MYO18A: variants seen among roughly 807,000 people sequenced by gnomAD.
The protein encoded by MYO18A is myosin XVIIIA, also known as unconventional myosin-XVIIIa.
A neutral mutation model predicts 235.8 loss-of-function variants in MYO18A; 78 were observed. The observed-to-expected ratio is 0.33, with a 90% CI of 0.28 to 0.40. The LOEUF (loss-of-function observed/expected upper bound fraction) is 0.40. Among genes scored for constraint, MYO18A ranks in the 10% least tolerant of loss-of-function variants. The pLI, the probability that MYO18A is intolerant of heterozygous loss-of-function variation, is 1.00. For synonymous variants in MYO18A, 977 were observed against 1,077.8 expected, an observed-to-expected ratio of 0.91 and a Z score of 1.83; for missense variants, 2,215 against 2,699.3, an observed-to-expected ratio of 0.82 and a Z score of 3.98.
chr17:29,148,666 G>C (rs1156488291), intron 2 of MYO18A, among the ~76,000 whole-genome samples: 1 of 152,076 alleles, frequency 6.6e-6, no homozygotes, highest in Non-Finnish European at 1.5e-5. Flanking sequence ...AGGAGACAGC[G>C]ATTGGTATTG....
At position 29,109,762 on chromosome 17, in the gene MYO18A, C is replaced by T. The variant is rs1452632911; in HGVS notation, c.3331+96G>A. The T allele has an allele frequency of 1.4e-6, 2 of 1,428,036 alleles. No homozygotes were observed. Among genetic ancestry groups the T allele is most frequent in the Non-Finnish European group, 1.9e-6 (2 of 1,051,802 alleles). The allele number at this position is 1,428,036 out of a possible 1,614,324, so 88.5% of individuals were successfully genotyped here. A position where few individuals can be genotyped will look rare whatever the true frequency, so the allele number is the denominator to read the frequency against. The stretch of plus-strand genomic sequence containing the variant: ...GGATCGTGAGGAAAGACAGGAGCAG[C>T]CCCACTGCAGCCCACGGGTCGCAGG... On this transcript the variant is annotated intron_variant, in intron 19 of 41. Transcript: ENST00000527372. The surrounding 1 kb of genome is among the most constrained non-coding windows in gnomAD (Gnocchi z 4.1).
At chr17:29,173,281 G>T (rs1255991966) in intron 1 of MYO18A, among the ~76,000 whole-genome samples, 1 of 150,946 alleles carries the variant, frequency 6.6e-6, no homozygotes, top group East Asian at 1.9e-4. Flanking sequence ...TAGTAGAGAC[G>T]GGGTTTCTCC....
At chr17:29,075,180 T>C (rs879296542) in intron 41 of MYO18A, 11 of 388,010 alleles carry the variant, frequency 2.8e-5, no homozygotes, top group Admixed American at 7.4e-5. Flanking sequence ...TGATGCAGGT[T>C]CCTGGGCCCT....
rs374397148 is a variant in MYO18A at position 29,121,538 on chromosome 17, G to A, written c.1371+9C>T. Reference sequence around the variant, plus strand: ...AGGAGTCTGCAGGGTAGCCTTGAGGGTGCTGCACCTTCTCAGAGTACACAG... The same window carrying A: ...AGGAGTCTGCAGGGTAGCCTTGAGGATGCTGCACCTTCTCAGAGTACACAG... On this transcript the variant is annotated intron_variant, in intron 5 of 41. Coordinates refer to ENST00000527372, the MANE Select transcript of MYO18A (RefSeq NM_078471.4). This position sits in a 1 kb window ranked among gnomAD's most constrained non-coding sequence, Gnocchi z 4.2. 1.3e-5 allele frequency: 20 copies of A among 1,596,286 alleles called. No individual in the cohort carries two copies. In the Middle Eastern group the frequency reaches 1.0e-3, roughly 81 times the overall value.
At chr17:29,142,606 T>C (rs1345107789) in intron 2 of MYO18A, among the ~76,000 whole-genome samples, 1 of 152,180 alleles carries the variant, frequency 6.6e-6, no homozygotes, top group Non-Finnish European at 1.5e-5. Context: ...ACTCTGGATA[T>C]GGGGTGCAGC....
At position 29,109,898 on chromosome 17, in the gene MYO18A, G is replaced by T. The variant is rs997767094; in HGVS notation, c.3291C>A (p.Arg1097=). The T allele has an allele frequency of 8.3e-6, 13 of 1,574,734 alleles. No individual in the cohort carries two copies. The highest frequency in any genetic ancestry group is 1.1e-5 in the Non-Finnish European group (13 of 1,160,138). Residue 1097 remains arginine (R), a synonymous_variant, in exon 19 of 42, where the codon CGC becomes CGA. Transcript: ENST00000527372. This position sits in a 1 kb window ranked among gnomAD's most constrained non-coding sequence, Gnocchi z 4.1. ...GCATGGCATCGAGCAGGCGGGAGCC[G>T]CGGAGCTGGGTGCGGAGCAGGGGCA... The part of the protein sequence containing the change: ...LDVPLLRTQL[R]GSRLLDAMRM...
At position 29,166,348 on chromosome 17, in the gene MYO18A, G is replaced by C. The variant is rs199555193; in HGVS notation, c.593C>G (p.Thr198Ser). ...GCGCAGGTCGACTGGGAACTTTTTA[G>C]TCACTAGCTCAGGGGCTCGGGATCG... ...GHRSRAPELV[T>S]KKFPVDLRLP... Residue 198 changes from threonine to serine, a missense_variant, in exon 2 of 42, where the codon ACT becomes AGT. Thr to Ser is a moderately conservative substitution (Grantham distance 58). Coordinates refer to ENST00000527372, the MANE Select transcript of MYO18A (RefSeq NM_078471.4). The C allele has an allele frequency of 6.9e-4, 1,121 of 1,613,012 alleles. 1 individual carries two copies. The highest frequency in any genetic ancestry group is 7.9e-4 in the Non-Finnish European group (929 of 1,179,878).
chr17:29,125,919 G>T lies in MYO18A; in HGVS notation c.1000-3666C>A, dbSNP rs553612230. On this transcript the variant is annotated intron_variant, in intron 2 of 41. Coordinates refer to ENST00000527372, the MANE Select transcript of MYO18A (RefSeq NM_078471.4). The surrounding 1 kb of genome is among the most constrained non-coding windows in gnomAD (Gnocchi z 5.1). ...GAAGCTGTGAAGATCCTCTCCAGCC[G>T]CTGGTGGGCCTCTTCCACGGGGGTC... is the stretch of plus-strand genomic sequence containing the variant. 73 of 985,732 alleles carry T rather than the reference G, an allele frequency of 7.4e-5. No individual in the cohort carries two copies. The highest frequency in any genetic ancestry group is 8.1e-5 in the Non-Finnish European group (67 of 829,942). 61.1% of individuals were successfully genotyped at this position (985,732 alleles called of 1,614,324 possible). A position where few individuals can be genotyped will look rare whatever the true frequency, so the allele number is the denominator to read the frequency against.
chr17:29,098,522 T>A, intron 23 of MYO18A, 77 bp from the exon 24 acceptor site: 1 of 1,513,982 alleles, frequency 6.6e-7, no homozygotes, highest in Non-Finnish European at 9.1e-7. Flanking sequence ...ACCCCTGTAG[T>A]GAACGAAGCT....
At chr17:29,114,862 A>T in intron 14 of MYO18A, 45 bp downstream of exon 14, 1 of 1,577,262 alleles carries the variant, frequency 6.3e-7, no homozygotes, top group Non-Finnish European at 8.6e-7. Context: ...TGTGGGTGCC[A>T]AGGCCAGAAT....
Position 29,137,280 on chromosome 17 carries a change from C to T in MYO18A, c.1000-15027G>A, listed in dbSNP as rs537893298. 5.3e-5 allele frequency among the ~76,000 whole-genome samples: 8 copies of T among 152,324 alleles called. No homozygotes were observed. The South Asian group carries it at 1.0e-3, about 20-fold the overall frequency. ...AGGCGCTTAATAAATGTTAGCTGCA[C>T]GAGAGTGCTGGGACAGGGGTTCTTT... On this transcript the variant is annotated intron_variant, in intron 2 of 41. Transcript: ENST00000527372.
Position 29,126,727 on chromosome 17 carries a change from G to A in MYO18A, c.1000-4474C>T, listed in dbSNP as rs71371104. On this transcript the variant is annotated intron_variant, in intron 2 of 41. Coordinates refer to ENST00000527372, the MANE Select transcript of MYO18A (RefSeq NM_078471.4). This position sits in a 1 kb window ranked among gnomAD's most constrained non-coding sequence, Gnocchi z 4.1. ...GATGCTCCTCTCCCACACCCTGGGA[G>A]GCCTCAGCAGGGTCCAAAAAAGGGA... Among the ~76,000 whole-genome samples the A allele has an allele frequency of 0.045, 6,832 of 152,228 alleles. 201 individuals carry two copies. Among genetic ancestry groups the A allele is most frequent in the South Asian group, 0.16 (759 of 4,822 alleles).
chr17:29,119,906 C>T (rs139179630), intron 7 of MYO18A, among the ~76,000 whole-genome samples: 13 of 151,974 alleles, frequency 8.6e-5, no homozygotes, highest in African/African-American at 2.9e-4. Context: ...GATAGGGTCT[C>T]GCTCTGTTGC....
rs1287145249 is a variant in MYO18A, at chr17:29,140,306, C to T, written c.1000-18053G>A. The T allele has an allele frequency of 3.3e-6, 4 of 1,218,268 alleles. No individual in the cohort carries two copies. The highest frequency in any genetic ancestry group is 4.2e-6 in the Non-Finnish European group (4 of 951,584). The allele number at this position is 1,218,268 out of a possible 1,614,324, so 75.5% of individuals were successfully genotyped here. The stretch of plus-strand genomic sequence containing the variant: ...AGGAAATAGCATGAGGAGCCTGGGA[C>T]ATTTCCGGGGTGGGGGGTCAGAGGG... On this transcript the variant is annotated intron_variant, in intron 2 of 41. Coordinates refer to ENST00000527372, the MANE Select transcript of MYO18A (RefSeq NM_078471.4). This position sits in a 1 kb window ranked among gnomAD's most constrained non-coding sequence, Gnocchi z 4.2.
Position 29,103,634 on chromosome 17 carries a change from G to C in MYO18A, c.3472C>G (p.Leu1158Val). Residue 1158 changes from leucine (L) to valine (V), a missense_variant, in exon 21 of 42, where the codon CTG becomes GTG. By Grantham distance (32) the Leu-to-Val change is conservative. Transcript: ENST00000527372. Reference protein sequence around the residue: ...AVEELLECLDLEKSSCCMGLS... With the variant: ...AVEELLECLDVEKSSCCMGLS... ...CCCATGCAGCAGCTGCTCTTCTCCA[G>C]ATCCAAGCACTCCAGCAGCTCCTCC... The C allele has an allele frequency of 6.2e-7, 1 of 1,613,894 alleles. No homozygotes were observed. The highest frequency in any genetic ancestry group is 8.5e-7 in the Non-Finnish European group (1 of 1,179,884).
At chr17:29,130,474 C>CCACACACACACA (rs71135871) in intron 2 of MYO18A, among the ~76,000 whole-genome samples, 7 of 142,140 alleles carry the variant, frequency 4.9e-5, no homozygotes, top group Non-Finnish European at 9.2e-5. Context: ...GAGGCCTCTC[C>CCACACACACACA]CACACACACA....
Position 29,094,973 on chromosome 17 carries a change from A to T in MYO18A, c.4472T>A (p.Leu1491His). 6.2e-7 allele frequency: 1 copy of T among 1,607,932 alleles called. No individual in the cohort carries two copies. The change falls in exon 29 of 42, where the codon CTC becomes CAC. Residue 1491 changes from leucine (L) to histidine (H), a missense_variant. By Grantham distance (99) the Leu-to-His change is moderately conservative (BLOSUM62 -3). Coordinates refer to ENST00000527372, the MANE Select transcript of MYO18A (RefSeq NM_078471.4). ...CTTCAGGCTGAAAGCCTCAGCGAGG[A>T]GCATGTCCTTCTCCCGCTGCAGCTT... ...REKLQREKDM[L>H]LAEAFSLKQQ...
intron 1 of MYO18A, among the ~76,000 whole-genome samples, chr17:29,173,481 G>C (rs1393866423): frequency 6.7e-6 from 1 of 149,614 alleles, no homozygotes; most frequent in African/African-American, 2.5e-5. Context: ...TCCGCCTCCC[G>C]GGTTCACGCC....
intron 2 of MYO18A, among the ~76,000 whole-genome samples, chr17:29,132,007 G>T (rs963441223): frequency 6.6e-6 from 1 of 152,252 alleles, no homozygotes; most frequent in African/African-American, 2.4e-5. Flanking sequence ...CTGGAGGCAG[G>T]GAGTGGGGCA....
Sources: allele counts gnomAD v4.1 joint callset (sites outside exome capture counted in the v4.1 genomes callset), GRCh38; gene constraint gnomAD v4.1.1; non-coding constraint Gnocchi (gnomAD v3.1); transcripts MANE v1.5; gene names NCBI Gene and HGNC (gene_info 2026-07-23, HGNC 2026-07-21).